The following STXBP5L variants were observed in gnomAD, a reference collection of about 807,000 sequenced individuals.
STXBP5L encodes syntaxin-binding protein 5-like.
Under a neutral mutation model 144.5 loss-of-function variants are expected in STXBP5L, and 65 were observed. The observed-to-expected ratio is 0.45, with a 90% confidence interval of 0.37 to 0.55. The LOEUF is 0.55. STXBP5L is among the 20% of genes least tolerant of loss of function. The pLI, the probability that STXBP5L is intolerant of heterozygous loss-of-function variation, is 0.00. For missense variants in STXBP5L, 1,298 were observed against 1,405.5 expected (o/e 0.92, Z 1.22); for synonymous variants, 505 against 469.6 (o/e 1.08, Z -0.97).
At chr3:121,166,702 G>T (rs2046511940) in intron 9 of STXBP5L, among the ~76,000 whole-genome samples, 1 of 152,074 alleles carries the variant, frequency 6.6e-6, no homozygotes, top group Non-Finnish European at 1.5e-5. Flanking sequence ...ATGATATTGG[G>T]TTGAAAGGTC....
rs2047331934 is a variant in STXBP5L at position 121,420,520 on chromosome 3, T to C, written c.*1423T>C. Reference sequence around the variant, plus strand: ...TCCTTAACATGATACAAGGTATCTATAACTCACCAGAAAAGCACCAGAGTC... The same window carrying C: ...TCCTTAACATGATACAAGGTATCTACAACTCACCAGAAAAGCACCAGAGTC... On this transcript the variant is annotated 3_prime_UTR_variant, in exon 27 of 27. Transcript: ENST00000471454. 1 of 152,266 alleles carries C rather than the reference T, an allele frequency of 6.6e-6. No individual in the cohort carries two copies. The highest frequency in any genetic ancestry group is 2.4e-5 in the African/African-American group (1 of 41,582). The allele number at this position is 152,266 out of a possible 1,614,324, so 9.4% of individuals were successfully genotyped here. A position where few individuals can be genotyped will look rare whatever the true frequency, so the allele number is the denominator to read the frequency against.
intron 7 of STXBP5L, among the ~76,000 whole-genome samples, chr3:121,137,497 G>T (rs2045314329): frequency 6.6e-6 from 1 of 151,950 alleles, no homozygotes; most frequent in South Asian, 2.1e-4. Flanking sequence ...AAAACTACAG[G>T]CAAATATTCC....
intron 20 of STXBP5L, among the ~76,000 whole-genome samples, chr3:121,344,659 G>A (rs549749251): frequency 2.0e-5 from 3 of 151,914 alleles, no homozygotes; most frequent in South Asian, 2.1e-4. Flanking sequence ...TTGAAATATA[G>A]GAGGCAAAGA....
At chr3:121,343,042 A>G (rs1272667859) in intron 20 of STXBP5L, among the ~76,000 whole-genome samples, 1 of 152,032 alleles carries the variant, frequency 6.6e-6, no homozygotes. Flanking sequence ...TGTCATTCTA[A>G]CTGTTGTGAA....
intron 20 of STXBP5L, among the ~76,000 whole-genome samples, chr3:121,322,162 G>A (rs2043991530): frequency 6.6e-6 from 1 of 152,144 alleles, no homozygotes. Flanking sequence ...CTTCCATCCA[G>A]CTGCATCCAT....
chr3:121,127,113 C>A (rs1553713074), intron 7 of STXBP5L, among the ~76,000 whole-genome samples: 1 of 148,498 alleles, frequency 6.7e-6, no homozygotes, highest in Non-Finnish European at 1.5e-5. Flanking sequence ...TACTGATTTA[C>A]CAAATCCCAG....
At chr3:121,290,339 T>C (rs1399168684) in intron 19 of STXBP5L, among the ~76,000 whole-genome samples, 1 of 152,050 alleles carries the variant, frequency 6.6e-6, no homozygotes, top group Non-Finnish European at 1.5e-5. Flanking sequence ...ACAACCCTCC[T>C]GGATTAAACC....
chr3:121,297,443 G>T (rs1041388504), intron 19 of STXBP5L, among the ~76,000 whole-genome samples: 1 of 152,094 alleles, frequency 6.6e-6, no homozygotes, highest in Non-Finnish European at 1.5e-5. Context: ...AACTTTAAAA[G>T]AACTATTATA....
chr3:121,202,054 C>T (rs2048160118), intron 9 of STXBP5L, among the ~76,000 whole-genome samples: 1 of 152,148 alleles, frequency 6.6e-6, no homozygotes, highest in Non-Finnish European at 1.5e-5. Flanking sequence ...TTGTGCTCTG[C>T]TCTTCTTCTC....
intron 3 of STXBP5L, among the ~76,000 whole-genome samples, chr3:121,018,241 G>C (rs1945282362): frequency 6.6e-6 from 1 of 152,114 alleles, no homozygotes; most frequent in African/African-American, 2.4e-5. Flanking sequence ...AGTGTATATG[G>C]AATGGCAAAA....
chr3:121,334,226 T>C (rs1262036184), intron 20 of STXBP5L, among the ~76,000 whole-genome samples: 1 of 152,138 alleles, frequency 6.6e-6, no homozygotes, highest in Admixed American at 6.6e-5. Flanking sequence ...CTTGGGTATG[T>C]CTTTATCAGC....
chr3:121,325,336 G>A (rs1161370119), intron 20 of STXBP5L, among the ~76,000 whole-genome samples: 1 of 151,992 alleles, frequency 6.6e-6, no homozygotes, highest in Non-Finnish European at 1.5e-5. Flanking sequence ...TTTCTCTTAT[G>A]TAATACAACA....
At chr3:121,397,501 G>A (rs904659042) in intron 22 of STXBP5L, among the ~76,000 whole-genome samples, 6 of 152,144 alleles carry the variant, frequency 3.9e-5, no homozygotes, top group Admixed American at 2.0e-4. Flanking sequence ...TGGCTTATCT[G>A]TTAATCATTT....
intron 10 of STXBP5L, among the ~76,000 whole-genome samples, chr3:121,207,966 A>T (rs933446020): frequency 2.0e-5 from 3 of 152,224 alleles, no homozygotes; most frequent in African/African-American, 7.2e-5. Flanking sequence ...CATTTGACCC[A>T]GCCATCCCCT....
At chr3:121,311,072 G>T (rs2043510274) in intron 19 of STXBP5L, among the ~76,000 whole-genome samples, 1 of 152,088 alleles carries the variant, frequency 6.6e-6, no homozygotes, top group African/African-American at 2.4e-5. Flanking sequence ...AAATAAGCCA[G>T]AAATTTGGAT....
chr3:121,372,363 C>T (rs186069787), intron 20 of STXBP5L, among the ~76,000 whole-genome samples: 51 of 152,240 alleles, frequency 3.3e-4, no homozygotes, highest in South Asian at 1.5e-3. Context: ...CCTAGGGTGA[C>T]GGGCATCACT....
At chr3:121,254,670 G>T (rs547608728) in intron 15 of STXBP5L, among the ~76,000 whole-genome samples, 2 of 152,178 alleles carry the variant, frequency 1.3e-5, no homozygotes, top group South Asian at 4.1e-4. Context: ...ATATTCCTTG[G>T]TATGTAGTAT....
intron 7 of STXBP5L, among the ~76,000 whole-genome samples, chr3:121,127,802 AC>A (rs1354922044): frequency 1.3e-5 from 2 of 151,672 alleles, no homozygotes; most frequent in African/African-American, 2.4e-5. Context: ...AACCCCAGCA[AC>A]CCCCAATTTC....
At chr3:121,314,649 T>G (rs1577436797) in intron 19 of STXBP5L, among the ~76,000 whole-genome samples, 1 of 150,622 alleles carries the variant, frequency 6.6e-6, no homozygotes, top group Non-Finnish European at 1.5e-5. Context: ...AAGCGTAAAC[T>G]AAAGAGCTTC....
Sources: gnomAD v4.1 joint callset for allele counts (sites outside exome capture counted in the v4.1 genomes callset) on GRCh38, gnomAD v4.1.1 for gene constraint, MANE v1.5 for transcripts, NCBI Gene and HGNC (gene_info 2026-07-23, HGNC 2026-07-21) for gene names.